Variants in C1QC observed in about 807,000 individuals in gnomAD.
The protein encoded by C1QC is complement C1q subcomponent subunit C.
C1QC carries 4 observed loss-of-function variants against 5.9 expected under a neutral mutation model. The observed-to-expected ratio is 0.68, with a 90% CI of 0.33 to 1.55. The LOEUF is 1.55. Among genes scored for constraint, C1QC ranks in the 40% most tolerant of loss-of-function variants. The pLI is 0.06. For synonymous variants in C1QC, 166 were observed against 153.8 expected (o/e 1.08, Z -0.59); for missense variants, 299 against 326.9 (o/e 0.91, Z 0.66).
rs768749127 is a variant in C1QC, at chr1:22,647,631, A to G, written c.586A>G (p.Thr196Ala). Residue 196 changes from threonine to alanine, a missense_variant, in exon 3 of 3, where the codon ACG becomes GCG. Coordinates refer to ENST00000374640, the MANE Select transcript of C1QC (RefSeq NM_172369.5). ...CAAAGTGGTCACCTTCTGTGGCCAC[A>G]CGTCCAAAACCAATCAGGTCAACTC... ...GVKVVTFCGH[T>A]SKTNQVNSGG... The G allele has an allele frequency of 6.2e-7, 1 of 1,614,120 alleles. No individual in the cohort carries two copies. Among genetic ancestry groups the G allele is most frequent in the Non-Finnish European group, 8.5e-7 (1 of 1,180,040 alleles).
chr1:22,647,190 C>G, intron 2 of C1QC, 37 bp from the exon 3 acceptor site: 4 of 1,598,126 alleles, frequency 2.5e-6, no homozygotes, highest in Non-Finnish European at 2.5e-6. Context: ...CCCTGTCCCC[C>G]ACCCTATCAC....
intron 2 of C1QC, among the ~76,000 whole-genome samples, chr1:22,644,534 A>T (rs1203603494): frequency 6.6e-6 from 1 of 152,214 alleles, no homozygotes; most frequent in Non-Finnish European, 1.5e-5. Context: ...CTTGCCCTGC[A>T]ACATGGGCAC....
Position 22,648,031 on chromosome 1 carries a change from A to T in C1QC, c.*248A>T, listed in dbSNP as rs1570086890. 1 of 446,176 alleles carries T rather than the reference A, an allele frequency of 2.2e-6. No homozygotes were observed. The allele number at this position is 446,176 out of a possible 1,614,324, so 27.6% of individuals were successfully genotyped here. On this transcript the variant is annotated 3_prime_UTR_variant, in exon 3 of 3. Transcript: ENST00000374640. Reference sequence around the variant, plus strand: ...GGACACTTAACCAATGCCTTCTGGTACTGCCATTCTTTTTTTTTTTTTTTT... The same window carrying T: ...GGACACTTAACCAATGCCTTCTGGTTCTGCCATTCTTTTTTTTTTTTTTTT...
chr1:22,646,158 C>T (rs1436736624), intron 2 of C1QC, among the ~76,000 whole-genome samples: 4 of 152,168 alleles, frequency 2.6e-5, no homozygotes, highest in African/African-American at 4.8e-5. Flanking sequence ...ACTCGGCTTC[C>T]TCATCGGCAA....
chr1:22,644,961 G>A (rs1483438056), intron 2 of C1QC, among the ~76,000 whole-genome samples: 1 of 152,130 alleles, frequency 6.6e-6, no homozygotes, highest in Non-Finnish European at 1.5e-5. Flanking sequence ...ATGGGTGACT[G>A]GGGCTGGAAC....
chr1:22,646,516 G>A (rs994530799), intron 2 of C1QC, among the ~76,000 whole-genome samples: 3 of 152,184 alleles, frequency 2.0e-5, no homozygotes, highest in South Asian at 2.1e-4. Flanking sequence ...CATAAGCTTT[G>A]TGAATTCTAG....
rs1642314450 is a variant in C1QC, at chr1:22,643,733, C to A, written c.-14+19C>A. The A allele has an allele frequency of 7.9e-7, 1 of 1,265,798 alleles. No homozygotes were observed. Among genetic ancestry groups the A allele is most frequent in the Non-Finnish European group, 9.9e-7 (1 of 1,005,740 alleles). 78.4% of individuals were successfully genotyped at this position (1,265,798 alleles called of 1,614,324 possible). A position where few individuals can be genotyped will look rare whatever the true frequency, so the allele number is the denominator to read the frequency against. On this transcript the variant is annotated intron_variant, in intron 1 of 2. Coordinates refer to ENST00000374640, the MANE Select transcript of C1QC (RefSeq NM_172369.5). ...CCTGCAGGTGAGGCCCGGACCCCTG[C>A]CCAGGTATGGGCAGATGGCCGTTTC...
chr1:22,645,164 G>C (rs1322523526), intron 2 of C1QC, among the ~76,000 whole-genome samples: 1 of 152,094 alleles, frequency 6.6e-6, no homozygotes, highest in Non-Finnish European at 1.5e-5. Flanking sequence ...CTCCTGGATA[G>C]AGGGAATGGC....
At chr1:22,643,913 G>A in intron 1 of C1QC, 98 bp from the exon 2 acceptor site, 2 of 1,424,758 alleles carry the variant, frequency 1.4e-6, no homozygotes, top group Non-Finnish European at 1.9e-6. Flanking sequence ...AGGAAGGAAG[G>A]CGAGCTCCCG....
In C1QC at chr1:22,645,485, G is replaced by A. The variant is rs999648758; in HGVS notation, c.181+1281G>A. Among the ~76,000 whole-genome samples, 4 of 152,202 alleles carry A rather than the reference G, an allele frequency of 2.6e-5. 1 individual carries two copies. Among genetic ancestry groups the A allele is most frequent in the African/African-American group, 9.7e-5 (4 of 41,446 alleles). ...GTCCAAAGTCACACAGTGGGATCCT[G>A]TCCAACTCTCAAGTCCACATTCTCC... On this transcript the variant is annotated intron_variant, in intron 2 of 2. Transcript: ENST00000374640.
At position 22,647,571 on chromosome 1, in the gene C1QC, G is replaced by T; in HGVS notation, c.526G>T (p.Ala176Ser). 6.2e-7 allele frequency: 1 copy of T among 1,614,238 alleles called. No individual in the cohort carries two copies. Among genetic ancestry groups the T allele is most frequent in the Non-Finnish European group, 8.5e-7 (1 of 1,180,048 alleles). The change falls in exon 3 of 3, where the codon GCC becomes TCC. Residue 176 changes from alanine to serine, a missense_variant. Ala to Ser is a moderately conservative substitution (Grantham distance 99). Transcript: ENST00000374640. Reference protein sequence around the residue: ...YYFVYHASHTANLCVLLYRSG... With the variant: ...YYFVYHASHTSNLCVLLYRSG... Reference sequence around the variant, plus strand: ...CTTTGTCTACCACGCGTCGCATACAGCCAACCTGTGCGTGCTGCTGTACCG... The same window carrying T: ...CTTTGTCTACCACGCGTCGCATACATCCAACCTGTGCGTGCTGCTGTACCG...
Position 22,647,219 on chromosome 1 carries a change from A to G in C1QC, c.182-8A>G, listed in dbSNP as rs1207892991. On this transcript the variant is annotated splice_region_variant and splice_polypyrimidine_tract_variant and intron_variant, in intron 2 of 2. Coordinates refer to ENST00000374640, the MANE Select transcript of C1QC (RefSeq NM_172369.5). ...CTATCACTTTCTCTCTGCCTTCTCC[A>G]TCTCCAGGAATCCCAGCCATTCCCG... The G allele has an allele frequency of 2.5e-6, 4 of 1,602,250 alleles. No homozygotes were observed. Among genetic ancestry groups the G allele is most frequent in the East Asian group, 2.2e-5 (1 of 44,860 alleles).
chr1:22,644,380 GC>G (rs1642334880), intron 2 of C1QC, among the ~76,000 whole-genome samples, 176 bp downstream of exon 2: 1 of 152,146 alleles, frequency 6.6e-6, no homozygotes, highest in Non-Finnish European at 1.5e-5. Context: ...CAGAGCCCAG[GC>G]TTCAGGCCAC....
At position 22,647,594 on chromosome 1, in the gene C1QC, C is replaced by G. The variant is rs1642393536; in HGVS notation, c.549C>G (p.Tyr183Ter). The G allele has an allele frequency of 6.2e-7, 1 of 1,614,136 alleles. No individual in the cohort carries two copies. Among genetic ancestry groups the G allele is most frequent in the Non-Finnish European group, 8.5e-7 (1 of 1,180,054 alleles). Reference sequence around the variant, plus strand: ...CAGCCAACCTGTGCGTGCTGCTGTACCGCAGCGGCGTCAAAGTGGTCACCT... The same window carrying G: ...CAGCCAACCTGTGCGTGCTGCTGTAGCGCAGCGGCGTCAAAGTGGTCACCT... The part of the protein sequence containing the change: ...SHTANLCVLL[Y>*]RSGVKVVTFC... The change falls in exon 3 of 3, where the codon TAC becomes TAG. Residue 183 changes from tyrosine to a stop codon, truncating the protein, a stop_gained. Coordinates refer to ENST00000374640, the MANE Select transcript of C1QC (RefSeq NM_172369.5). LOFTEE classifies it low-confidence loss of function (END_TRUNC).
intron 2 of C1QC, among the ~76,000 whole-genome samples, chr1:22,646,186 C>T (rs1642366916): frequency 6.6e-6 from 1 of 152,188 alleles, no homozygotes; most frequent in Non-Finnish European, 1.5e-5. Context: ...GAAGTTGAAC[C>T]AGGCCAGCTG....
intron 2 of C1QC, among the ~76,000 whole-genome samples, chr1:22,645,853 T>A (rs1642360550): frequency 6.6e-6 from 1 of 152,026 alleles, no homozygotes; most frequent in Admixed American, 6.6e-5. Context: ...GCCTAAGAGG[T>A]TCATAAGCCA....
At position 22,647,772 on chromosome 1, in the gene C1QC, T is replaced by C. The variant is rs1204390566; in HGVS notation, c.727T>C (p.Phe243Leu). The C allele has an allele frequency of 6.3e-7, 1 of 1,599,770 alleles. No homozygotes were observed. Among genetic ancestry groups the C allele is most frequent in the South Asian group, 1.1e-5 (1 of 91,080 alleles). ...SDSVFSGFLL[F>L]PD Reference sequence around the variant, plus strand: ...CAGCGTCTTCTCCGGCTTCCTGCTCTTCCCCGACTAGGGCGGGCAGATGCG... The same window carrying C: ...CAGCGTCTTCTCCGGCTTCCTGCTCCTCCCCGACTAGGGCGGGCAGATGCG... Residue 243 changes from phenylalanine (F) to leucine (L), a missense_variant, in exon 3 of 3, where the codon TTC becomes CTC. By Grantham distance (22) the Phe-to-Leu change is conservative (BLOSUM62 0). This residue lies in a region of C1QC where 144 missense variants were observed against 155.1 expected (regional missense o/e 0.93). Coordinates refer to ENST00000374640, the MANE Select transcript of C1QC (RefSeq NM_172369.5).
intron 2 of C1QC, among the ~76,000 whole-genome samples, 158 bp downstream of exon 2, chr1:22,644,362 TC>T (rs1358209210): frequency 6.6e-6 from 1 of 152,148 alleles, no homozygotes; most frequent in Non-Finnish European, 1.5e-5. Flanking sequence ...GTCTGGCTCC[TC>T]TATCCTCAGA....
chr1:22,645,267 C>A (rs917356852), intron 2 of C1QC, among the ~76,000 whole-genome samples: 1 of 152,088 alleles, frequency 6.6e-6, no homozygotes, highest in Non-Finnish European at 1.5e-5. Flanking sequence ...TTTCCAGGAG[C>A]TTGTACTTCA....
Sources: gnomAD v4.1 joint callset for allele counts (sites outside exome capture counted in the v4.1 genomes callset) on GRCh38, gnomAD v4.1.1 for gene constraint, gnomAD v4.1.1 regional missense constraint, MANE v1.5 for transcripts, NCBI Gene and HGNC (gene_info 2026-07-23, HGNC 2026-07-21) for gene names.